SEM1: variants seen among roughly 807,000 people sequenced by gnomAD.
SEM1 encodes 26S proteasome complex subunit SEM1.
A neutral mutation model predicts 12.7 loss-of-function variants in SEM1; 3 were observed. That is an observed-to-expected ratio of 0.24 (90% confidence interval 0.11 to 0.61). SEM1 has a LOEUF of 0.61. SEM1 is among the 20% of genes least tolerant of loss of function. The pLI is 0.88. For synonymous variants in SEM1, 30 were observed against 27.8 expected, an observed-to-expected ratio of 1.08 and a Z score of -0.25; for missense variants, 59 against 81.3, an observed-to-expected ratio of 0.73 and a Z score of 1.06.
At chr7:96,622,854 G>A (rs1425816102) in intron 2 of SEM1, 2 of 520,034 alleles carry the variant, frequency 3.8e-6, no homozygotes, top group African/African-American at 3.8e-5. Flanking sequence ...CATTTCAAAA[G>A]GTGAAATTCT....
chr7:96,559,037 T>C (rs1053250376), intron 2 of SEM1, among the ~76,000 whole-genome samples: 9 of 152,194 alleles, frequency 5.9e-5, no homozygotes, highest in Non-Finnish European at 1.2e-4. Context: ...TAAATTCTAA[T>C]GTGATCCACA....
chr7:96,580,907 C>T (rs201650162), intron 2 of SEM1, among the ~76,000 whole-genome samples: 82,571 of 151,630 alleles, frequency 0.54, 24,503 homozygotes, highest in Non-Finnish European at 0.68. Flanking sequence ...AATTTTCTCC[C>T]ATTTTGTAGG....
intron 2 of SEM1, among the ~76,000 whole-genome samples, chr7:96,523,109 A>G (rs1804338576): frequency 6.6e-6 from 1 of 152,108 alleles, no homozygotes; most frequent in African/African-American, 2.4e-5. Flanking sequence ...ACACGAAGAC[A>G]CAGAGGGCAG....
intron 2 of SEM1, among the ~76,000 whole-genome samples, chr7:96,544,911 T>C (rs546031672): frequency 6.6e-6 from 1 of 152,084 alleles, no homozygotes; most frequent in South Asian, 2.1e-4. Context: ...TTGGTCTTGC[T>C]GTCTCAGGGG....
intron 2 of SEM1, among the ~76,000 whole-genome samples, chr7:96,512,691 A>G (rs1803968608): frequency 6.6e-6 from 1 of 152,010 alleles, no homozygotes; most frequent in Non-Finnish European, 1.5e-5. Flanking sequence ...AACTCCCACT[A>G]TTATTGATAC....
intron 2 of SEM1, among the ~76,000 whole-genome samples, chr7:96,676,481 T>C (rs1021535784): frequency 6.6e-6 from 1 of 152,242 alleles, no homozygotes; most frequent in South Asian, 2.1e-4. Context: ...GTAAAATATA[T>C]GTATAAATAT....
At chr7:96,511,878 AG>A (rs1452270486) in intron 2 of SEM1, among the ~76,000 whole-genome samples, 1 of 152,212 alleles carries the variant, frequency 6.6e-6, no homozygotes, top group African/African-American at 2.4e-5. Flanking sequence ...CTTCCTTTAA[AG>A]CAGGGCTTCT....
chr7:96,563,833 A>G (rs1805764813), intron 2 of SEM1, among the ~76,000 whole-genome samples: 1 of 151,972 alleles, frequency 6.6e-6, no homozygotes. Context: ...TTGTATATAA[A>G]GAGAAATCCA....
At chr7:96,603,898 T>A (rs934446335) in intron 2 of SEM1, among the ~76,000 whole-genome samples, 8 of 139,792 alleles carry the variant, frequency 5.7e-5, no homozygotes, top group Non-Finnish European at 1.3e-4. Context: ...TTTTTTTTTT[T>A]AATATGGAGA....
intron 1 of SEM1, among the ~76,000 whole-genome samples, chr7:96,700,062 C>G (rs910477900): frequency 3.9e-5 from 6 of 152,136 alleles, no homozygotes; most frequent in Admixed American, 6.5e-5. Context: ...CCTCAAAGAG[C>G]TATGAAGACT....
intron 2 of SEM1, among the ~76,000 whole-genome samples, chr7:96,606,926 A>G (rs549701330): frequency 1.3e-5 from 2 of 152,316 alleles, no homozygotes; most frequent in African/African-American, 4.8e-5. Context: ...ATGTCACTGT[A>G]CAGAAGAGCT....
chr7:96,555,498 T>C (rs1281703414), intron 2 of SEM1, among the ~76,000 whole-genome samples: 2 of 127,252 alleles, frequency 1.6e-5, no homozygotes, highest in Non-Finnish European at 3.6e-5. Flanking sequence ...AGTTGAGCGG[T>C]TTTGAGTGAG....
At chr7:96,697,766 G>C (rs1046474779) in intron 1 of SEM1, among the ~76,000 whole-genome samples, 1 of 152,084 alleles carries the variant, frequency 6.6e-6, no homozygotes, top group Non-Finnish European at 1.5e-5. Context: ...CTTACAAACA[G>C]CATCACTATA....
chr7:96,645,689 A>G, intron 2 of SEM1: 2 of 397,732 alleles, frequency 5.0e-6, no homozygotes, highest in Middle Eastern at 1.3e-3. Flanking sequence ...TCTTGAAGCC[A>G]CATGGAGCCC....
chr7:96,563,989 C>T (rs1163979347), intron 2 of SEM1, among the ~76,000 whole-genome samples: 1 of 151,998 alleles, frequency 6.6e-6, no homozygotes, highest in Non-Finnish European at 1.5e-5. Context: ...TTATTAGCCT[C>T]ATGCAGTGAG....
chr7:96,652,805 G>A (rs1250725726), intron 2 of SEM1, among the ~76,000 whole-genome samples: 2 of 152,130 alleles, frequency 1.3e-5, no homozygotes, highest in Non-Finnish European at 2.9e-5. Context: ...AATCACTCAA[G>A]CATGCATTGA....
intron 2 of SEM1, among the ~76,000 whole-genome samples, chr7:96,657,514 A>G (rs991744663): frequency 2.0e-5 from 3 of 152,184 alleles, no homozygotes; most frequent in African/African-American, 7.2e-5. Flanking sequence ...GTGACTACAA[A>G]GGTATTCTCA....
rs565812188 is a variant in SEM1, at chr7:96,585,689, G to A, written c.171-78991C>T. ...TCCTGATGCGCTGTTTTTTAAGCCC[G>A]TCGGAAAAGTGCAGTATTCGGGTGG... On this transcript the variant is annotated intron_variant and NMD_transcript_variant, in intron 2 of 3. Transcript: ENST00000466986. Among the ~76,000 whole-genome samples, 213 of 152,278 alleles carry A rather than the reference G, an allele frequency of 1.4e-3. 1 individual carries two copies. Among genetic ancestry groups the A allele is most frequent in the Admixed American group, 5.6e-3 (86 of 15,298 alleles).
rs375188060 is a variant in SEM1 at position 96,635,652 on chromosome 7, C to T, written c.171-13009G>A. On this transcript the variant is annotated intron_variant, in intron 2 of 2. Transcript: ENST00000417009. The stretch of plus-strand genomic sequence containing the variant: ...CAATATACAAACAAAATAGAGAGCA[C>T]TACCTAGCTTGAAAAGAGCAATCTT... 3.2e-4 allele frequency among the ~76,000 whole-genome samples: 49 copies of T among 152,228 alleles called. No homozygotes were observed. The East Asian group carries it at 6.6e-3, about 20-fold the overall frequency.
Sources: allele counts gnomAD v4.1 joint callset (sites outside exome capture counted in the v4.1 genomes callset), GRCh38; gene constraint gnomAD v4.1.1; transcripts MANE v1.5; gene names NCBI Gene and HGNC (gene_info 2026-07-23, HGNC 2026-07-21).